FRMPD4: variants seen among roughly 807,000 people sequenced by gnomAD.
FRMPD4 encodes FERM and PDZ domain-containing protein 4.
In FRMPD4, 22 loss-of-function variants were observed where a neutral mutation model predicts 94.1. The observed-to-expected ratio is 0.23, with a 90% confidence interval of 0.17 to 0.33. FRMPD4 has a LOEUF of 0.33. Among genes scored for constraint, FRMPD4 ranks in the 10% least tolerant of loss-of-function variants. The probability of loss-of-function intolerance (pLI) is 1.00; values close to 1 mark genes in which losing one functional copy is unlikely to be tolerated. For synonymous variants in FRMPD4, 631 were observed against 548.6 expected, an observed-to-expected ratio of 1.15 and a Z score of -2.10; for missense variants, 1,111 against 1,339.9, an observed-to-expected ratio of 0.83 and a Z score of 2.67.
chrX:12,151,341 G>A (rs1461221344), intron 1 of FRMPD4, among the ~76,000 whole-genome samples: 3 of 111,253 alleles, frequency 2.7e-5, no homozygotes, highest in Admixed American at 1.9e-4. Flanking sequence ...ACGTGAGGGG[G>A]TGGGGTGCAC....
chrX:11,826,306 G>A (rs1161325308), intron 1 of FRMPD4, among the ~76,000 whole-genome samples: 2 of 111,581 alleles, frequency 1.8e-5, no homozygotes, highest in Admixed American at 1.9e-4. Flanking sequence ...CAGACTTTGG[G>A]GAGGGCAAGC....
At chrX:12,186,274 G>C (rs2056423521) in intron 1 of FRMPD4, among the ~76,000 whole-genome samples, 1 of 111,673 alleles carries the variant, frequency 9.0e-6, no homozygotes, top group Non-Finnish European at 1.9e-5. Context: ...AACAGTGAAG[G>C]TTAATTCTTT....
chrX:12,150,985 T>C (rs1438197657), intron 1 of FRMPD4, among the ~76,000 whole-genome samples: 1 of 111,768 alleles, frequency 8.9e-6, no homozygotes, highest in Non-Finnish European at 1.9e-5. Flanking sequence ...TGAAAGGCAT[T>C]GTCTTGCTAA....
chrX:11,848,333 TA>T (rs2053595094), intron 1 of FRMPD4, among the ~76,000 whole-genome samples: 1 of 111,551 alleles, frequency 9.0e-6, no homozygotes, highest in Non-Finnish European at 1.9e-5. Flanking sequence ...TTAACTTTTT[TA>T]AAACTTGGCT....
chrX:12,117,822 A>C (rs1388785526), intron 3 of FRMPD4, among the ~76,000 whole-genome samples: 2 of 111,693 alleles, frequency 1.8e-5, no homozygotes, highest in Non-Finnish European at 3.8e-5. Flanking sequence ...TGCCAGACTT[A>C]TTTATCACAT....
chrX:11,897,605 T>G (rs948818329), intron 3 of FRMPD4, among the ~76,000 whole-genome samples: 3 of 112,256 alleles, frequency 2.7e-5, no homozygotes, highest in African/African-American at 9.7e-5. Flanking sequence ...ATGTTTTCTC[T>G]GATGATTAAA....
chrX:12,290,124 C>T (rs1326631888), intron 1 of FRMPD4, among the ~76,000 whole-genome samples: 2 of 111,431 alleles, frequency 1.8e-5, no homozygotes, highest in African/African-American at 3.3e-5. Flanking sequence ...AGTCAACAAA[C>T]AGCACTTCCT....
intron 1 of FRMPD4, among the ~76,000 whole-genome samples, chrX:12,312,239 C>CA (rs2055042616): frequency 1.6e-5 from 1 of 61,513 alleles, no homozygotes; most frequent in African/African-American, 7.0e-5. Context: ...TGCTCCATTA[C>CA]TTTTTTTTTT....
intron 2 of FRMPD4, among the ~76,000 whole-genome samples, chrX:12,530,544 A>G (rs1225647275): frequency 1.8e-5 from 2 of 111,178 alleles, no homozygotes; most frequent in African/African-American, 6.5e-5. Flanking sequence ...TATTTCAAGG[A>G]GAATTGACAA....
intron 3 of FRMPD4, among the ~76,000 whole-genome samples, chrX:12,000,644 C>A (rs1422978100): frequency 1.8e-5 from 2 of 111,350 alleles, no homozygotes; most frequent in African/African-American, 6.5e-5. Context: ...TTCCCTCTCC[C>A]TTCTTCAGTT....
At chrX:12,415,485 C>T (rs1468662630) in intron 1 of FRMPD4, among the ~76,000 whole-genome samples, 1 of 111,674 alleles carries the variant, frequency 9.0e-6, no homozygotes, top group Non-Finnish European at 1.9e-5. Context: ...AAGGATTTTG[C>T]ACCAGAATTC....
At chrX:12,160,472 A>G (rs968257316) in intron 1 of FRMPD4, among the ~76,000 whole-genome samples, 1 of 111,589 alleles carries the variant, frequency 9.0e-6, no homozygotes, top group African/African-American at 3.3e-5. Context: ...AACTGACCGT[A>G]GTTTGGAATC....
intron 1 of FRMPD4, among the ~76,000 whole-genome samples, chrX:12,194,089 A>G (rs140028352): frequency 1.8e-5 from 2 of 109,621 alleles, no homozygotes; most frequent in African/African-American, 3.3e-5. Context: ...ACGGAATGCT[A>G]GAATTTAGAG....
rs2057649087 is a variant in FRMPD4 at position 12,479,424 on chromosome X, G to GTATATACGTA, written c.42-19250_42-19249insCGTATATATA. Among the ~76,000 whole-genome samples, 3 of 68,799 alleles carry GTATATACGTA rather than the reference G, an allele frequency of 4.4e-5. No homozygotes were observed. In the South Asian group the frequency reaches 1.7e-3, roughly 39 times the overall value. The allele number at this position is 68,799 out of a possible 115,157, so 59.7% of individuals were successfully genotyped here. ...TATACACATATATATACATATATAC[G>GTATATACGTA]TATATATATACACACATATATGTAT... On this transcript the variant is annotated intron_variant, in intron 1 of 16. Coordinates refer to ENST00000675598, the MANE Select transcript of FRMPD4 (RefSeq NM_001368397.1).
At chrX:12,681,274 C>T (rs776807765) in intron 5 of FRMPD4, among the ~76,000 whole-genome samples, 5 of 112,004 alleles carry the variant, frequency 4.5e-5, no homozygotes, top group South Asian at 7.5e-4. Flanking sequence ...AAAATCATTA[C>T]GGGAGAATAA....
At chrX:11,960,368 C>T (rs768649650) in intron 3 of FRMPD4, among the ~76,000 whole-genome samples, 4 of 111,745 alleles carry the variant, frequency 3.6e-5, no homozygotes, top group Non-Finnish European at 7.5e-5. Context: ...CATGTTCGCT[C>T]TGTCATTGGG....
intron 1 of FRMPD4, among the ~76,000 whole-genome samples, chrX:12,372,668 G>A (rs772724952): frequency 1.9e-4 from 21 of 112,735 alleles, no homozygotes; most frequent in Non-Finnish European, 3.4e-4. Context: ...AGAGTGTGTC[G>A]AGGCTATTGC....
intron 1 of FRMPD4, among the ~76,000 whole-genome samples, chrX:12,310,148 A>G (rs7877172): frequency 0.056 from 6,078 of 108,833 alleles, 438 homozygotes; most frequent in African/African-American, 0.19. Flanking sequence ...ATAGGGGTGG[A>G]GCCGTTTTAT....
At chrX:12,219,803 C>G (rs952964566) in intron 1 of FRMPD4, among the ~76,000 whole-genome samples, 2 of 111,987 alleles carry the variant, frequency 1.8e-5, no homozygotes, top group South Asian at 3.7e-4. Context: ...AAAGTAGATA[C>G]TTTTAATATA....
Sources: gnomAD v4.1 joint callset for allele counts (sites outside exome capture counted in the v4.1 genomes callset) on GRCh38, gnomAD v4.1.1 for gene constraint, MANE v1.5 for transcripts, NCBI Gene and HGNC (gene_info 2026-07-23, HGNC 2026-07-21) for gene names.